PWWP3A: variants seen among roughly 807,000 people sequenced by gnomAD.
PWWP3A encodes PWWP domain containing 3A, DNA repair factor, also known as PWWP domain-containing DNA repair factor 3A.
PWWP3A carries 53 observed loss-of-function variants against 79.0 expected under a neutral mutation model. The observed-to-expected ratio is 0.67, with a 90% CI of 0.54 to 0.84. The LOEUF (loss-of-function observed/expected upper bound fraction) is 0.84. PWWP3A is among the 40% of genes least tolerant of loss of function. The probability of loss-of-function intolerance (pLI) is 0.00; values close to 1 mark genes in which losing one functional copy is unlikely to be tolerated. For missense variants in PWWP3A, 973 were observed against 948.0 expected, an observed-to-expected ratio of 1.03 and a Z score of -0.35; for synonymous variants, 443 against 394.4, an observed-to-expected ratio of 1.12 and a Z score of -1.46.
At chr19:1,361,169 C>A in intron 5 of PWWP3A, 137 bp downstream of exon 5, 2 of 783,998 alleles carry the variant, frequency 2.6e-6, no homozygotes, top group Non-Finnish European at 3.6e-6. Flanking sequence ...AGAGCAGAGA[C>A]TTCCTCATTC....
intron 6 of PWWP3A, among the ~76,000 whole-genome samples, chr19:1,363,430 G>A (rs1289748476): frequency 6.6e-6 from 1 of 152,202 alleles, no homozygotes; most frequent in Non-Finnish European, 1.5e-5. Context: ...GACCGCAGGT[G>A]CTGTGGGGCA....
chr19:1,360,908 GGGGCCA>G lies in PWWP3A; in HGVS notation c.993_998del (p.Gly332_Pro333del). 1.3e-6 allele frequency: 2 copies of G among 1,539,538 alleles called. No homozygotes were observed. Among genetic ancestry groups the G allele is most frequent in the Non-Finnish European group, 1.8e-6 (2 of 1,142,124 alleles). On this transcript the variant is annotated inframe_deletion, in exon 5 of 14. Transcript: ENST00000591337. The surrounding 1 kb of genome is among the most constrained non-coding windows in gnomAD (Gnocchi z 4.4). Reference sequence around the variant, plus strand: ...CAGGGGCCGCACCATCCCCCGGGCCGGGGCCAGGGCCCAGAGAGTCTGTGACCCCGC... The same window carrying G: ...CAGGGGCCGCACCATCCCCCGGGCCGGGGCCCAGAGAGTCTGTGACCCCGC...
chr19:1,373,041 T>G (rs749144142), intron 12 of PWWP3A, 31 bp from the exon 13 acceptor site: 14 of 1,607,628 alleles, frequency 8.7e-6, no homozygotes, highest in Middle Eastern at 1.7e-4. Context: ...GGGCAGTGCC[T>G]GCTGCTATTG....
intron 5 of PWWP3A, 67 bp downstream of exon 5, chr19:1,361,099 G>C (rs1374787269): frequency 3.7e-6 from 5 of 1,346,276 alleles, no homozygotes; most frequent in Non-Finnish European, 4.8e-6. Flanking sequence ...GCCAGACTGG[G>C]AGCCAGGCAC....
rs936372219 is a variant in PWWP3A at position 1,378,419 on chromosome 19, C to T, written c.*1843C>T. 4 of 152,272 alleles carry T rather than the reference C, an allele frequency of 2.6e-5. No individual in the cohort carries two copies. The highest frequency in any genetic ancestry group is 4.4e-5 in the Non-Finnish European group (3 of 68,062). The allele number at this position is 152,272 out of a possible 1,614,324, so 9.4% of individuals were successfully genotyped here. A position where few individuals can be genotyped will look rare whatever the true frequency, so the allele number is the denominator to read the frequency against. On this transcript the variant is annotated 3_prime_UTR_variant, in exon 14 of 14. Transcript: ENST00000591337. The stretch of plus-strand genomic sequence containing the variant: ...AAGTTGTTCGAGGTGGAATTAAACA[C>T]CTCCCAGACCTCTGGCTTGTCTTTT...
chr19:1,356,596 G>T, intron 2 of PWWP3A, 147 bp downstream of exon 2: 1 of 722,038 alleles, frequency 1.4e-6, no homozygotes, highest in Non-Finnish European at 2.3e-6. Flanking sequence ...CCCATTTAAT[G>T]GGGTTTTGGT....
chr19:1,369,214 G>C lies in PWWP3A; in HGVS notation c.1423-51G>C. ...GGCTCTGCGTGGCTTCTGAACCCAG[G>C]GTGCTTGGCACTGCCTCCCACTGAC... On this transcript the variant is annotated intron_variant, in intron 9 of 13. Transcript: ENST00000591337. This position sits in a 1 kb window ranked among gnomAD's most constrained non-coding sequence, Gnocchi z 4.0. 1.3e-6 allele frequency: 2 copies of C among 1,583,270 alleles called. No individual in the cohort carries two copies. Among genetic ancestry groups the C allele is most frequent in the Non-Finnish European group, 1.7e-6 (2 of 1,153,748 alleles).
intron 1 of PWWP3A, 181 bp from the exon 2 acceptor site, chr19:1,356,143 C>G: frequency 1.8e-6 from 1 of 550,084 alleles, no homozygotes. Context: ...TCCCTGGATA[C>G]CGAGCCCCGT....
chr19:1,361,303 G>A (rs1431338928), intron 5 of PWWP3A, among the ~76,000 whole-genome samples: 1 of 152,238 alleles, frequency 6.6e-6, no homozygotes, highest in Admixed American at 6.5e-5. Flanking sequence ...GGCGGGCCAC[G>A]ATTGTCTGCG....
rs926689047 is a variant in PWWP3A at position 1,377,746 on chromosome 19, C to T, written c.*1170C>T. 7 of 152,478 alleles carry T rather than the reference C, an allele frequency of 4.6e-5. No homozygotes were observed. Among genetic ancestry groups the T allele is most frequent in the Non-Finnish European group, 1.0e-4 (7 of 68,228 alleles). 9.4% of individuals were successfully genotyped at this position (152,478 alleles called of 1,614,324 possible). On this transcript the variant is annotated 3_prime_UTR_variant, in exon 14 of 14. Coordinates refer to ENST00000591337, the MANE Select transcript of PWWP3A (RefSeq NM_001369789.1). ...GTCCAGGGTTCCAGGGCCCGGTGGC[C>T]TGGGAGCTGCTTTCTCCCCACTGGC... is the stretch of plus-strand genomic sequence containing the variant.
intron 7 of PWWP3A, among the ~76,000 whole-genome samples, chr19:1,365,665 G>A (rs1018588996): frequency 6.6e-6 from 1 of 152,242 alleles, no homozygotes; most frequent in African/African-American, 2.4e-5. Flanking sequence ...CCTTGGCACT[G>A]GTTTCCTCTC....
intron 13 of PWWP3A, among the ~76,000 whole-genome samples, chr19:1,375,566 A>AATAATATAATTTTATCTATTGT (rs1568965688): frequency 1.2e-5 from 1 of 81,324 alleles, no homozygotes; most frequent in Non-Finnish European, 2.2e-5. Flanking sequence ...TTATATATAA[A>AATAATATAATTTTATCTATTGT]ATATATTATA....
rs1312237866 is a variant in PWWP3A, at chr19:1,377,910, CGAA to C, written c.*1336_*1338del. 16 of 152,352 alleles carry C rather than the reference CGAA, an allele frequency of 1.1e-4. No individual in the cohort carries two copies. The East Asian group carries it at 1.9e-3, about 18-fold the overall frequency. The allele number at this position is 152,352 out of a possible 1,614,324, so 9.4% of individuals were successfully genotyped here. A position where few individuals can be genotyped will look rare whatever the true frequency, so the allele number is the denominator to read the frequency against. ...CTCAGATGCAGGGCGCTGTGCGGGA[CGAA>C]GCCGCAAGGACTCTCGTATCGGGCC... On this transcript the variant is annotated 3_prime_UTR_variant, in exon 14 of 14. Coordinates refer to ENST00000591337, the MANE Select transcript of PWWP3A (RefSeq NM_001369789.1).
In PWWP3A at chr19:1,369,184, C is replaced by A. The variant is rs959957118; in HGVS notation, c.1423-81C>A. 8.2e-6 allele frequency: 11 copies of A among 1,336,244 alleles called. No homozygotes were observed. In the East Asian group the frequency reaches 2.4e-4, roughly 29 times the overall value. 82.8% of individuals were successfully genotyped at this position (1,336,244 alleles called of 1,614,324 possible). ...TGAGCAGCCTGGACACCTGGCTGGT[C>A]CCTGGGCTCTGCGTGGCTTCTGAAC... On this transcript the variant is annotated intron_variant, in intron 9 of 13. Transcript: ENST00000591337. This position sits in a 1 kb window ranked among gnomAD's most constrained non-coding sequence, Gnocchi z 4.0.
intron 5 of PWWP3A, 90 bp downstream of exon 5, chr19:1,361,122 G>T: frequency 7.7e-7 from 1 of 1,299,880 alleles, no homozygotes; most frequent in South Asian, 2.2e-5. Flanking sequence ...GGGTGTTTTT[G>T]ACCAGATTTT....
chr19:1,375,041 A>G (rs949116709), intron 13 of PWWP3A, among the ~76,000 whole-genome samples: 1 of 151,558 alleles, frequency 6.6e-6, no homozygotes, highest in Non-Finnish European at 1.5e-5. Flanking sequence ...CACCATGGTG[A>G]AACCCCATCT....
chr19:1,366,073 C>A (rs903529637), intron 7 of PWWP3A, among the ~76,000 whole-genome samples: 1 of 152,202 alleles, frequency 6.6e-6, no homozygotes, highest in Non-Finnish European at 1.5e-5. Flanking sequence ...TCTTTTTATT[C>A]AAAAACCCAA....
Position 1,369,515 on chromosome 19 carries a change from A to T in PWWP3A, c.1499-81A>T. 6.4e-7 allele frequency: 1 copy of T among 1,562,348 alleles called. No individual in the cohort carries two copies. The highest frequency in any genetic ancestry group is 2.2e-5 in the East Asian group (1 of 44,574). The stretch of plus-strand genomic sequence containing the variant: ...TGGCCTGATTATTTCCTAAACAGAG[A>T]CGCCGGGCCAGCCCCTGGAACACAC... On this transcript the variant is annotated intron_variant, in intron 10 of 13. Coordinates refer to ENST00000591337, the MANE Select transcript of PWWP3A (RefSeq NM_001369789.1). The surrounding 1 kb of genome is among the most constrained non-coding windows in gnomAD (Gnocchi z 4.0).
At chr19:1,364,877 G>C (rs2082095558) in intron 7 of PWWP3A, among the ~76,000 whole-genome samples, 1 of 152,204 alleles carries the variant, frequency 6.6e-6, no homozygotes, top group African/African-American at 2.4e-5. Flanking sequence ...CCAGCACTTT[G>C]GGAGGCCGAA....
Sources: allele counts gnomAD v4.1 joint callset (sites outside exome capture counted in the v4.1 genomes callset), GRCh38; gene constraint gnomAD v4.1.1; non-coding constraint Gnocchi (gnomAD v3.1); transcripts MANE v1.5; gene names NCBI Gene and HGNC (gene_info 2026-07-23, HGNC 2026-07-21).